Variants in SLC4A4 observed in about 807,000 individuals in gnomAD.
The protein encoded by SLC4A4 is electrogenic sodium bicarbonate cotransporter 1.
Under a neutral mutation model 111.5 loss-of-function variants are expected in SLC4A4, and 27 were observed. The ratio of observed to expected loss-of-function variants is 0.24; its 90% confidence interval spans 0.18 to 0.33. The LOEUF (loss-of-function observed/expected upper bound fraction) is 0.33, where lower values mean the gene tolerates loss of function less well. Among genes scored for constraint, SLC4A4 ranks in the 10% least tolerant of loss-of-function variants. The probability of loss-of-function intolerance (pLI) is 1.00; values close to 1 mark genes in which losing one functional copy is unlikely to be tolerated. For synonymous variants in SLC4A4, 443 were observed against 463.4 expected (o/e 0.96, Z 0.57); for missense variants, 909 against 1,315.5 (o/e 0.69, Z 4.78).
intron 1 of SLC4A4, among the ~76,000 whole-genome samples, chr4:71,070,428 GT>G (rs776679898): frequency 3.9e-5 from 6 of 152,100 alleles, no homozygotes; most frequent in African/African-American, 1.2e-4. Context: ...TTGTACATTG[GT>G]TTTTAAAGGC....
chr4:71,417,042 G>A (rs116803100), intron 7 of SLC4A4, among the ~76,000 whole-genome samples: 1,763 of 152,242 alleles, frequency 0.012, 43 homozygotes, highest in African/African-American at 0.04. Context: ...CACCGTTAGT[G>A]GAGCTATCAG....
chr4:71,158,665 C>T (rs1437879040), intron 2 of SLC4A4, among the ~76,000 whole-genome samples: 2 of 152,174 alleles, frequency 1.3e-5, no homozygotes, highest in Non-Finnish European at 2.9e-5. Flanking sequence ...TTGGTGTTGG[C>T]AGGCGCTTCT....
chr4:71,221,929 CAGACCCCACCTGTA>C (rs925720564), intron 1 of SLC4A4, among the ~76,000 whole-genome samples: 1 of 152,184 alleles, frequency 6.6e-6, no homozygotes, highest in African/African-American at 2.4e-5. Flanking sequence ...TCTGATCCAG[CAGACCCCACCTGTA>C]ACCTCTGTGC....
At chr4:71,563,760 C>T in intron 23 of SLC4A4, 33 bp from the exon 24 acceptor site, 2 of 1,358,748 alleles carry the variant, frequency 1.5e-6, no homozygotes, top group South Asian at 1.2e-5. Context: ...ATAATAAAAA[C>T]ATTCTAAAAC....
rs1737535744 is a variant in SLC4A4, at chr4:71,567,015, C to T, written c.3208C>T (p.Pro1070Ser). ...ATTTTATTTTCCAGGAGAAAGATCA[C>T]CAACATTCCTTGAACGCCACACATC... ...DSKPSDRERS[P>S]TFLERHTSC Residue 1070 changes from proline to serine, a missense_variant, in exon 25 of 26, where the codon CCA (proline) becomes TCA (serine). Pro to Ser is a moderately conservative substitution (Grantham distance 74, BLOSUM62 -1). Transcript: ENST00000264485. 1.2e-6 allele frequency: 2 copies of T among 1,609,684 alleles called. No homozygotes were observed. Among genetic ancestry groups the T allele is most frequent in the Non-Finnish European group, 1.7e-6 (2 of 1,177,290 alleles).
chr4:71,359,663 A>G (rs1433945845), intron 6 of SLC4A4, among the ~76,000 whole-genome samples: 1 of 152,200 alleles, frequency 6.6e-6, no homozygotes, highest in Non-Finnish European at 1.5e-5. Flanking sequence ...TAAATTTCTA[A>G]CTAAAATTTC....
chr4:71,078,573 G>C (rs1741910231), intron 1 of SLC4A4, among the ~76,000 whole-genome samples: 1 of 152,024 alleles, frequency 6.6e-6, no homozygotes, highest in African/African-American at 2.4e-5. Flanking sequence ...AAATTGATTA[G>C]TGCAACAAAA....
At chr4:71,412,145 CAAGAGT>C (rs1255341319) in intron 7 of SLC4A4, among the ~76,000 whole-genome samples, 17 of 152,156 alleles carry the variant, frequency 1.1e-4, no homozygotes, top group Non-Finnish European at 2.2e-4. Flanking sequence ...AGGAATTTCA[CAAGAGT>C]AAGATAAACT....
intron 19 of SLC4A4, 138 bp from the exon 20 acceptor site, chr4:71,547,510 T>C (rs1735640752): frequency 2.7e-6 from 2 of 743,904 alleles, no homozygotes; most frequent in Non-Finnish European, 4.9e-6. Context: ...CTTGAGGTAT[T>C]ATTTACATGA....
At chr4:71,149,436 C>T (rs1002051801) in intron 2 of SLC4A4, among the ~76,000 whole-genome samples, 1 of 152,042 alleles carries the variant, frequency 6.6e-6, no homozygotes, top group African/African-American at 2.4e-5. Context: ...GATCAAGGAG[C>T]AGGAAGTCAT....
chr4:71,133,020 C>G (rs62302397), intron 2 of SLC4A4, among the ~76,000 whole-genome samples: 1 of 152,136 alleles, frequency 6.6e-6, no homozygotes, highest in African/African-American at 2.4e-5. Flanking sequence ...CACTGAATGC[C>G]AATTAATGTA....
upstream of SLC4A4, chr4:71,187,013 C>G (rs1450235408): frequency 6.6e-6 from 1 of 152,638 alleles, no homozygotes; most frequent in African/African-American, 2.4e-5. Flanking sequence ...TCCTCGCGGG[C>G]CGTTCAGGTT....
At chr4:71,546,270 T>C (rs1735511993) in intron 18 of SLC4A4, 80 bp from the exon 19 acceptor site, 2 of 1,277,974 alleles carry the variant, frequency 1.6e-6, no homozygotes, top group African/African-American at 1.5e-5. Context: ...CCTTTGGTCA[T>C]CTTAATTCCC....
intron 16 of SLC4A4, among the ~76,000 whole-genome samples, chr4:71,512,264 C>T (rs1339059907): frequency 1.3e-5 from 2 of 152,104 alleles, no homozygotes; most frequent in Non-Finnish European, 2.9e-5. Flanking sequence ...TTTCTACCAA[C>T]CATATAAAAC....
At chr4:71,362,387 G>C (rs2148919980) in intron 6 of SLC4A4, among the ~76,000 whole-genome samples, 2 of 152,292 alleles carry the variant, frequency 1.3e-5, no homozygotes, top group Admixed American at 1.3e-4. Flanking sequence ...CTGTGAAAGA[G>C]AGATAATGAA....
At chr4:71,379,201 T>G (rs987578464) in intron 6 of SLC4A4, among the ~76,000 whole-genome samples, 1 of 152,188 alleles carries the variant, frequency 6.6e-6, no homozygotes, top group Non-Finnish European at 1.5e-5. Context: ...CTCTATCATT[T>G]TTAAACTCAG....
rs1736366702 is a variant in SLC4A4 at position 71,555,205 on chromosome 4, G to A, written c.2760G>A (p.Val920=). The A allele has an allele frequency of 1.9e-6, 3 of 1,605,304 alleles. No individual in the cohort carries two copies. Among genetic ancestry groups the A allele is most frequent in the African/African-American group, 2.7e-5 (2 of 74,636 alleles). ...TGGGAGTAGCATCCCTTAATGGTGT[G>A]CAGGTAAGTTTTTGAATAGCAATGT... ...LYMGVASLNG[V]QFMDRLKLLL... The change falls in exon 21 of 26, where the codon GTG becomes GTA. Residue 920 remains valine, a synonymous_variant. Coordinates refer to ENST00000264485, the MANE Select transcript of SLC4A4 (RefSeq NM_001098484.3).
intron 6 of SLC4A4, among the ~76,000 whole-genome samples, chr4:71,385,409 G>A (rs192770680): frequency 5.2e-4 from 78 of 151,340 alleles, no homozygotes; most frequent in African/African-American, 1.8e-3. Context: ...TGTTGATCAG[G>A]CTGCTCTCGA....
rs550363041 is a variant in SLC4A4, at chr4:71,403,213, A to C, written c.807+5560A>C. On this transcript the variant is annotated intron_variant, in intron 7 of 25. Coordinates refer to ENST00000264485, the MANE Select transcript of SLC4A4 (RefSeq NM_001098484.3). ...TTAGGAAAAAAGGAGCCTTTTGTGA[A>C]ATTTAGAGCTATGGTTTTAAGTAAC... 4.6e-5 allele frequency among the ~76,000 whole-genome samples: 7 copies of C among 152,278 alleles called. No individual in the cohort carries two copies. The South Asian group carries it at 1.4e-3, about 32-fold the overall frequency.
Sources: allele counts gnomAD v4.1 joint callset (sites outside exome capture counted in the v4.1 genomes callset), GRCh38; gene constraint gnomAD v4.1.1; transcripts MANE v1.5; gene names NCBI Gene and HGNC (gene_info 2026-07-23, HGNC 2026-07-21).